The following RNF130 variants were observed in gnomAD, a reference collection of about 807,000 sequenced individuals.
The protein encoded by RNF130 is ring finger protein 130, also known as E3 ubiquitin-protein ligase RNF130.
A neutral mutation model predicts 44.6 loss-of-function variants in RNF130; 21 were observed. The observed-to-expected ratio is 0.47, with a 90% confidence interval of 0.33 to 0.68. RNF130 has a LOEUF of 0.68. Ranked by LOEUF, RNF130 falls within the 30% of genes least tolerant of loss-of-function variation. The probability of loss-of-function intolerance (pLI) is 0.02; values close to 1 mark genes in which losing one functional copy is unlikely to be tolerated. For synonymous variants in RNF130, 214 were observed against 210.4 expected, an observed-to-expected ratio of 1.02 and a Z score of -0.15; for missense variants, 479 against 560.6, an observed-to-expected ratio of 0.85 and a Z score of 1.47.
At chr5:180,066,704 G>A (rs1765115349) in intron 1 of RNF130, among the ~76,000 whole-genome samples, 1 of 152,080 alleles carries the variant, frequency 6.6e-6, no homozygotes, top group Non-Finnish European at 1.5e-5. Flanking sequence ...GTGCTTGGTG[G>A]CACATGCCTG....
At chr5:179,922,311 TTC>T (rs1199250076) in intron 7 of RNF130, among the ~76,000 whole-genome samples, 8 of 152,184 alleles carry the variant, frequency 5.3e-5, no homozygotes, top group African/African-American at 9.6e-5. Context: ...TAAAAAAAAT[TTC>T]TTTTTTTAAT....
intron 1 of RNF130, among the ~76,000 whole-genome samples, chr5:180,070,506 CT>C (rs1380855973): frequency 2.6e-5 from 4 of 152,190 alleles, no homozygotes; most frequent in Non-Finnish European, 5.9e-5. Flanking sequence ...CAAATCATGA[CT>C]TTATTTAGGT....
chr5:180,051,238 A>ATTTATTTATTTATTTATTTATT (rs1554107011), intron 1 of RNF130, among the ~76,000 whole-genome samples: 2 of 144,096 alleles, frequency 1.4e-5, no homozygotes, highest in Non-Finnish European at 3.0e-5. Context: ...TATAGATATT[A>ATTTATTTATTTATTTATTTATT]TATTTATTTA....
intron 2 of RNF130, among the ~76,000 whole-genome samples, chr5:180,014,623 T>C (rs1763671748): frequency 6.6e-6 from 1 of 152,238 alleles, no homozygotes; most frequent in Non-Finnish European, 1.5e-5. Flanking sequence ...ATGTTTCATT[T>C]ACCATATTTA....
rs1312872811 is a variant in RNF130, at chr5:179,978,281, G to C, written c.770C>G (p.Thr257Ser). 5.0e-6 allele frequency: 8 copies of C among 1,612,850 alleles called. No individual in the cohort carries two copies. The Admixed American group carries it at 1.3e-4, about 27-fold the overall frequency. Residue 257 changes from threonine to serine, a missense_variant, in exon 5 of 9, where the codon ACT (threonine) becomes AGT (serine). Coordinates refer to ENST00000521389, the MANE Select transcript of RNF130 (RefSeq NM_018434.6). ...TRTVKKGDKE[T>S]DPDFDHCAVC... Reference sequence around the variant, plus strand: ...TGCACAATGATCAAAGTCTGGGTCAGTTTCCTAAAATGAAAAGTACAGAAA... The same window carrying C: ...TGCACAATGATCAAAGTCTGGGTCACTTTCCTAAAATGAAAAGTACAGAAA...
At chr5:180,047,994 C>A (rs1336236717) in intron 1 of RNF130, among the ~76,000 whole-genome samples, 1 of 114,540 alleles carries the variant, frequency 8.7e-6, no homozygotes, top group Non-Finnish European at 1.8e-5. Context: ...ACCATGTCAA[C>A]AGCACACTTT....
intron 3 of RNF130, among the ~76,000 whole-genome samples, chr5:180,003,987 C>T (rs1045341812): frequency 2.6e-5 from 4 of 152,128 alleles, no homozygotes; most frequent in South Asian, 2.1e-4. Flanking sequence ...CTCGTGTTAT[C>T]GTCACAATCA....
intron 1 of RNF130, among the ~76,000 whole-genome samples, chr5:180,042,202 T>A (rs547689658): frequency 3.9e-5 from 6 of 152,348 alleles, no homozygotes; most frequent in Admixed American, 3.9e-4. Flanking sequence ...GCCAGTAACT[T>A]CAGAGAACTA....
At chr5:179,947,812 C>T (rs1368740446) in intron 7 of RNF130, among the ~76,000 whole-genome samples, 2 of 152,050 alleles carry the variant, frequency 1.3e-5, no homozygotes, top group Non-Finnish European at 2.9e-5. Context: ...ATATATACTG[C>T]ATATGGTATA....
intron 7 of RNF130, among the ~76,000 whole-genome samples, chr5:179,925,851 G>A (rs567883051): frequency 7.6e-4 from 115 of 152,310 alleles, no homozygotes; most frequent in African/African-American, 2.7e-3. Context: ...TCTGAGCCAA[G>A]TTGGAAGACG....
chr5:180,007,479 T>C (rs527405432), intron 3 of RNF130, among the ~76,000 whole-genome samples: 1 of 152,326 alleles, frequency 6.6e-6, no homozygotes, highest in Non-Finnish European at 1.5e-5. Flanking sequence ...TTGCTAATAT[T>C]ATGGCTTCTC....
At chr5:179,930,941 C>G (rs1004090063) in intron 7 of RNF130, among the ~76,000 whole-genome samples, 6 of 148,124 alleles carry the variant, frequency 4.1e-5, no homozygotes, top group East Asian at 4.0e-4. Flanking sequence ...ACTGGGGAGG[C>G]TGAGGCATGA....
chr5:180,032,043 T>C (rs1764141772), intron 2 of RNF130, among the ~76,000 whole-genome samples: 1 of 152,236 alleles, frequency 6.6e-6, no homozygotes, highest in Non-Finnish European at 1.5e-5. Flanking sequence ...CTTTTGCCCG[T>C]TGTAAAACTA....
intron 7 of RNF130, among the ~76,000 whole-genome samples, chr5:179,924,422 G>C (rs370948457): frequency 6.6e-6 from 1 of 151,856 alleles, no homozygotes; most frequent in Non-Finnish European, 1.5e-5. Flanking sequence ...TTGAACCCAG[G>C]AGGCGGAGGT....
intron 3 of RNF130, among the ~76,000 whole-genome samples, chr5:179,984,151 C>G (rs913400934): frequency 3.3e-5 from 5 of 152,172 alleles, no homozygotes; most frequent in African/African-American, 1.2e-4. Flanking sequence ...GTTAAATCTA[C>G]TGTTGGTCTT....
At chr5:180,031,330 T>C (rs1764126551) in intron 2 of RNF130, among the ~76,000 whole-genome samples, 1 of 151,702 alleles carries the variant, frequency 6.6e-6, no homozygotes, top group Non-Finnish European at 1.5e-5. Context: ...CTAGTGAAAA[T>C]ACAAAAATTA....
chr5:179,912,039 A>T (rs1451042055), exon 8 of RNF130: 3 of 152,346 alleles, frequency 2.0e-5, no homozygotes, highest in South Asian at 2.1e-4. Context: ...CTCAAGGTGG[A>T]AGATAAATCA....
intron 2 of RNF130, among the ~76,000 whole-genome samples, chr5:180,014,287 GA>G (rs1479110386): frequency 6.6e-6 from 1 of 152,068 alleles, no homozygotes; most frequent in Non-Finnish European, 1.5e-5. Context: ...CTCCACAAAG[GA>G]AATAACTTCC....
At chr5:180,000,400 A>G (rs449511) in intron 3 of RNF130, among the ~76,000 whole-genome samples, 67,303 of 151,940 alleles carry the variant, frequency 0.44, 15,338 homozygotes, top group African/African-American at 0.56. Context: ...ACTCTTATTT[A>G]GGAACCACTG....
Sources: gnomAD v4.1 joint callset for allele counts (sites outside exome capture counted in the v4.1 genomes callset) on GRCh38, gnomAD v4.1.1 for gene constraint, MANE v1.5 for transcripts, NCBI Gene and HGNC (gene_info 2026-07-23, HGNC 2026-07-21) for gene names.